Variants in ACTG2 observed in about 807,000 individuals in gnomAD.
The protein encoded by ACTG2 is actin gamma 2, smooth muscle, also known as actin, gamma-enteric smooth muscle.
ACTG2 carries 16 observed loss-of-function variants against 37.6 expected under a neutral mutation model. That is an observed-to-expected ratio of 0.43 (90% confidence interval 0.29 to 0.65). The LOEUF (loss-of-function observed/expected upper bound fraction) is 0.65. Among genes scored for constraint, ACTG2 ranks in the 30% least tolerant of loss-of-function variants. The pLI is 0.18. For missense variants in ACTG2, 238 were observed against 490.9 expected (o/e 0.48, Z 4.87); for synonymous variants, 181 against 179.9 (o/e 1.01, Z -0.05).
chr2:73,916,880 T>C (rs748574938), intron 8 of ACTG2, 115 bp downstream of exon 8: 12 of 1,285,776 alleles, frequency 9.3e-6, no homozygotes, highest in South Asian at 7.5e-5. Context: ...CTGGGTTCAA[T>C]ATCATCCTGG....
In ACTG2 at chr2:73,914,729, C is replaced by T. The variant is rs202002293; in HGVS notation, c.663C>T (p.Ala221=). ...RDIKEKLCYV[A]LDFENEMATA... is the part of the protein sequence containing the mutation. Reference sequence around the variant, plus strand: ...TCAAGGAGAAGCTGTGCTATGTGGCCCTGGATTTTGAGAATGAGATGGCCA... The same window carrying T: ...TCAAGGAGAAGCTGTGCTATGTGGCTCTGGATTTTGAGAATGAGATGGCCA... Residue 221 remains alanine (A), a synonymous_variant, in exon 7 of 9, where the codon GCC becomes GCT. Coordinates refer to ENST00000345517, the MANE Select transcript of ACTG2 (RefSeq NM_001615.4). 9.9e-6 allele frequency: 16 copies of T among 1,610,228 alleles called. No homozygotes were observed. In the South Asian group the frequency reaches 1.3e-4, roughly 13 times the overall value.
chr2:73,907,709 T>G (rs1368658849), intron 3 of ACTG2, among the ~76,000 whole-genome samples: 2 of 152,182 alleles, frequency 1.3e-5, no homozygotes, highest in Non-Finnish European at 2.9e-5. Flanking sequence ...CGGTGGTTCT[T>G]AACCAGGATG....
At chr2:73,904,765 G>GTACA (rs1679976159) in intron 3 of ACTG2, among the ~76,000 whole-genome samples, 1 of 60,022 alleles carries the variant, frequency 1.7e-5, no homozygotes, top group African/African-American at 8.0e-5. Flanking sequence ...GTGTGTGTGT[G>GTACA]TGTGTGTGTG....
chr2:73,907,360 A>G (rs1680038178), intron 3 of ACTG2, among the ~76,000 whole-genome samples: 1 of 152,188 alleles, frequency 6.6e-6, no homozygotes, highest in Non-Finnish European at 1.5e-5. Context: ...ACCTCTGAGG[A>G]AACCAAAGCC....
intron 5 of ACTG2, among the ~76,000 whole-genome samples, chr2:73,910,365 CT>C (rs1190070765): frequency 0.13 from 10,119 of 80,116 alleles, 191 homozygotes; most frequent in African/African-American, 0.18. Flanking sequence ...CTTTTTTCGA[CT>C]TTTTTTTTTT....
In ACTG2 at chr2:73,914,763, T is replaced by G. The variant is rs3190470; in HGVS notation, c.697T>G (p.Ser233Ala). The change falls in exon 7 of 9, where the codon TCC (serine) becomes GCC (alanine). Residue 233 changes from serine to alanine, a missense_variant. Coordinates refer to ENST00000345517, the MANE Select transcript of ACTG2 (RefSeq NM_001615.4). The stretch of plus-strand genomic sequence containing the variant: ...TGAGAATGAGATGGCCACAGCAGCT[T>G]CCTCTTCCTCCCTGGAGAAGAGCTA... ...DFENEMATAA[S>A]SSSLEKSYEL... The G allele has an allele frequency of 1.9e-6, 3 of 1,612,708 alleles. No individual in the cohort carries two copies. In the South Asian group the frequency reaches 3.3e-5, roughly 18 times the overall value.
intron 1 of ACTG2, among the ~76,000 whole-genome samples, chr2:73,894,954 A>G (rs1396328623): frequency 1.3e-5 from 2 of 152,136 alleles, no homozygotes; most frequent in African/African-American, 4.8e-5. Flanking sequence ...GGCAGCTGTG[A>G]GGAGAGTGGA....
At chr2:73,893,111 G>A (rs956512417) in intron 1 of ACTG2, 60 bp downstream of exon 1, 4 of 152,444 alleles carry the variant, frequency 2.6e-5, no homozygotes, top group African/African-American at 9.7e-5. Context: ...CCTCCTGGGT[G>A]CGGGAGGTGC....
At chr2:73,909,209 G>A (rs942758423) in intron 5 of ACTG2, 70 bp downstream of exon 5, 26 of 1,390,676 alleles carry the variant, frequency 1.9e-5, no homozygotes, top group Non-Finnish European at 2.6e-5. Context: ...GTCTGGCAGA[G>A]GCTCCTGCTC....
intron 5 of ACTG2, among the ~76,000 whole-genome samples, chr2:73,911,909 CATTT>C (rs1680147855): frequency 6.6e-6 from 1 of 152,192 alleles, no homozygotes; most frequent in Admixed American, 6.5e-5. Flanking sequence ...GTTCATTAAT[CATTT>C]ATTCACTGAT....
At chr2:73,902,516 C>A in intron 3 of ACTG2, 28 bp downstream of exon 3, 1 of 1,613,502 alleles carries the variant, frequency 6.2e-7, no homozygotes, top group Non-Finnish European at 8.5e-7. Context: ...CTTAATGAGC[C>A]TGCTTTAATG....
chr2:73,901,606 CTG>C (rs1166529308), intron 2 of ACTG2, 169 bp downstream of exon 2: 9 of 1,052,990 alleles, frequency 8.5e-6, no homozygotes, highest in African/African-American at 3.8e-5. Flanking sequence ...GTGTGTGTGT[CTG>C]TGCATGCACA....
Position 73,912,271 on chromosome 2 carries a change from C to T in ACTG2, c.452-1214C>T, listed in dbSNP as rs562442672. 7.9e-5 allele frequency among the ~76,000 whole-genome samples: 12 copies of T among 152,340 alleles called. No individual in the cohort carries two copies. The East Asian group carries it at 2.1e-3, about 27-fold the overall frequency. On this transcript the variant is annotated intron_variant, in intron 5 of 8. Transcript: ENST00000345517. ...CTCCCGGGTTCAAGCGATTCTCCTGCCTCAGTCTCCCGAATAGCTGGAATT... is the reference window on the plus strand; with the variant it reads ...CTCCCGGGTTCAAGCGATTCTCCTGTCTCAGTCTCCCGAATAGCTGGAATT...
At chr2:73,896,790 A>G (rs1173254107) in intron 1 of ACTG2, 6 of 152,180 alleles carry the variant, frequency 3.9e-5, no homozygotes, top group Admixed American at 3.9e-4. Context: ...TGAGAGCTTC[A>G]ATGAAGCCCA....
chr2:73,906,080 G>T (rs1680008631), intron 3 of ACTG2, among the ~76,000 whole-genome samples: 1 of 151,748 alleles, frequency 6.6e-6, no homozygotes, highest in African/African-American at 2.4e-5. Flanking sequence ...TAAAGACAAA[G>T]GTTAGGAAAA....
chr2:73,910,365 CTTTTTT>C (rs1190070765), intron 5 of ACTG2, among the ~76,000 whole-genome samples: 1 of 80,692 alleles, frequency 1.2e-5, no homozygotes, highest in East Asian at 3.9e-4. Context: ...CTTTTTTCGA[CTTTTTT>C]TTTTTTTTTT....
At chr2:73,919,351 T>A (rs1258803444) in intron 8 of ACTG2, 81 bp from the exon 9 acceptor site, 1 of 1,509,450 alleles carries the variant, frequency 6.6e-7, no homozygotes, top group Non-Finnish European at 9.0e-7. Context: ...GGCTCCCCTT[T>A]TCTGGGATAA....
At chr2:73,916,521 G>C (rs2104824923) in intron 7 of ACTG2, 63 bp from the exon 8 acceptor site, 1 of 1,455,042 alleles carries the variant, frequency 6.9e-7, no homozygotes, top group Admixed American at 2.0e-5. Context: ...GTCATTTGAG[G>C]AGCTGGAGGT....
chr2:73,913,302 TG>T (rs1011601180), intron 5 of ACTG2, among the ~76,000 whole-genome samples, 182 bp from the exon 6 acceptor site: 17 of 152,072 alleles, frequency 1.1e-4, no homozygotes, highest in Admixed American at 8.5e-4. Flanking sequence ...ACAGTCTCAC[TG>T]GGGGGAAAAA....
Sources: gnomAD v4.1 joint callset for allele counts (sites outside exome capture counted in the v4.1 genomes callset) on GRCh38, gnomAD v4.1.1 for gene constraint, MANE v1.5 for transcripts, NCBI Gene and HGNC (gene_info 2026-07-23, HGNC 2026-07-21) for gene names.